Variants in JAKMIP2 observed in about 807,000 individuals in gnomAD.
JAKMIP2 encodes janus kinase and microtubule interacting protein 2.
Under a neutral mutation model 115.0 loss-of-function variants are expected in JAKMIP2, and 25 were observed. That is an observed-to-expected ratio of 0.22 (90% CI 0.16 to 0.30). The LOEUF (loss-of-function observed/expected upper bound fraction) is 0.30. Among genes scored for constraint, JAKMIP2 ranks in the 10% least tolerant of loss-of-function variants. The pLI, the probability that JAKMIP2 is intolerant of heterozygous loss-of-function variation, is 1.00. For synonymous variants in JAKMIP2, 334 were observed against 343.6 expected (o/e 0.97, Z 0.31); for missense variants, 642 against 957.6 (o/e 0.67, Z 4.35).
At position 147,641,694 on chromosome 5, in the gene JAKMIP2, T is replaced by C. The variant is rs1485388255; in HGVS notation, c.1281+14A>G. ...GTTTGTGGCAAATGCCTGATAACTT[T>C]GATTTCTTATTACCTTAATTGGCTT... On this transcript the variant is annotated intron_variant, in intron 8 of 21. Transcript: ENST00000616793. The C allele has an allele frequency of 3.1e-6, 5 of 1,597,822 alleles. No individual in the cohort carries two copies. In the South Asian group the frequency reaches 4.4e-5, roughly 14 times the overall value.
intron 12 of JAKMIP2, among the ~76,000 whole-genome samples, chr5:147,633,298 C>G (rs1405862122): frequency 2.0e-5 from 3 of 152,146 alleles, no homozygotes; most frequent in Non-Finnish European, 2.9e-5. Context: ...TAAATATTAT[C>G]ACTGTCATCT....
intron 1 of JAKMIP2, among the ~76,000 whole-genome samples, chr5:147,758,139 T>A (rs1396601439): frequency 6.6e-6 from 1 of 152,248 alleles, no homozygotes; most frequent in Admixed American, 6.5e-5. Context: ...ATAATGAAGG[T>A]CTCTGAGGTT....
intron 1 of JAKMIP2, among the ~76,000 whole-genome samples, chr5:147,743,398 A>C (rs1157302873): frequency 6.6e-6 from 1 of 152,208 alleles, no homozygotes; most frequent in African/African-American, 2.4e-5. Flanking sequence ...GAAATCTTTT[A>C]ATTAGAATCT....
At chr5:147,705,136 A>G (rs986106079) in intron 1 of JAKMIP2, among the ~76,000 whole-genome samples, 1 of 152,200 alleles carries the variant, frequency 6.6e-6, no homozygotes, top group African/African-American at 2.4e-5. Flanking sequence ...TGCCTTTTAC[A>G]TCAGTTAAAC....
intron 1 of JAKMIP2, among the ~76,000 whole-genome samples, chr5:147,700,571 C>G (rs568071064): frequency 1.3e-5 from 2 of 152,272 alleles, no homozygotes; most frequent in East Asian, 3.9e-4. Flanking sequence ...GATATAACAG[C>G]AGCTTTAGAA....
chr5:147,767,779 C>A (rs983639597), intron 1 of JAKMIP2, among the ~76,000 whole-genome samples: 34 of 152,234 alleles, frequency 2.2e-4, no homozygotes, highest in African/African-American at 7.2e-4. Flanking sequence ...GGAAAAAAAT[C>A]TTTAAAAAGC....
intron 1 of JAKMIP2, among the ~76,000 whole-genome samples, chr5:147,775,548 T>C (rs565982725): frequency 6.6e-6 from 1 of 152,242 alleles, no homozygotes; most frequent in South Asian, 2.1e-4. Flanking sequence ...ATAATCTTTC[T>C]TACTTATATT....
chr5:147,628,691 T>C, intron 16 of JAKMIP2, 60 bp downstream of exon 16: 1 of 1,278,698 alleles, frequency 7.8e-7, no homozygotes, highest in Non-Finnish European at 1.1e-6. Flanking sequence ...CACCCTAGTC[T>C]GCTCGTTCAG....
chr5:147,723,702 T>C (rs1753405739), intron 1 of JAKMIP2, among the ~76,000 whole-genome samples: 1 of 152,202 alleles, frequency 6.6e-6, no homozygotes, highest in South Asian at 2.1e-4. Context: ...TTTGTCTCAT[T>C]TACTATGCAG....
chr5:147,605,930 AC>A (rs1755986425), intron 20 of JAKMIP2, among the ~76,000 whole-genome samples: 1 of 152,108 alleles, frequency 6.6e-6, no homozygotes, highest in South Asian at 2.1e-4. Flanking sequence ...TTCTCTAATG[AC>A]CAGTGATGAT....
chr5:147,631,136 A>G (rs1757330281), intron 14 of JAKMIP2, among the ~76,000 whole-genome samples: 1 of 152,224 alleles, frequency 6.6e-6, no homozygotes, highest in Non-Finnish European at 1.5e-5. Flanking sequence ...CCAGGTAATT[A>G]AGGCTAATTT....
chr5:147,623,434 G>C (rs1456974518), intron 17 of JAKMIP2, among the ~76,000 whole-genome samples, 187 bp downstream of exon 17: 3 of 151,884 alleles, frequency 2.0e-5, no homozygotes, highest in African/African-American at 7.3e-5. Flanking sequence ...CATTTTTTGG[G>C]GGGAGAATAT....
intron 1 of JAKMIP2, among the ~76,000 whole-genome samples, chr5:147,756,046 G>A (rs1561578011): frequency 6.6e-6 from 1 of 152,122 alleles, no homozygotes; most frequent in Non-Finnish European, 1.5e-5. Flanking sequence ...AGAAATAAAT[G>A]AGCATATCAG....
chr5:147,782,581 C>T lies in JAKMIP2; in HGVS notation c.-274G>A, dbSNP rs1554087537. On this transcript the variant is annotated 5_prime_UTR_variant, in exon 1 of 22. Transcript: ENST00000616793. The stretch of plus-strand genomic sequence containing the variant: ...GCAGTGGCTGCCGGTTTTTTTTTTC[C>T]CTCTGTCTCTGGTTGGCGATGGTGC... 1 of 996,970 alleles carries T rather than the reference C, an allele frequency of 1.0e-6. No homozygotes were observed. Among genetic ancestry groups the T allele is most frequent in the Non-Finnish European group, 1.5e-6 (1 of 656,078 alleles). 61.8% of individuals were successfully genotyped at this position (996,970 alleles called of 1,614,324 possible). A position where few individuals can be genotyped will look rare whatever the true frequency, so the allele number is the denominator to read the frequency against.
intron 5 of JAKMIP2, among the ~76,000 whole-genome samples, chr5:147,646,268 C>A (rs955178778): frequency 6.6e-6 from 1 of 152,018 alleles, no homozygotes; most frequent in African/African-American, 2.4e-5. Flanking sequence ...ATATTAAAGG[C>A]CAAAACTGGG....
chr5:147,671,271 A>T (rs1759570216), intron 2 of JAKMIP2, among the ~76,000 whole-genome samples: 1 of 152,198 alleles, frequency 6.6e-6, no homozygotes, highest in African/African-American at 2.4e-5. Flanking sequence ...GGTATTGGGC[A>T]GTGGAGTAAC....
intron 1 of JAKMIP2, among the ~76,000 whole-genome samples, chr5:147,718,529 G>A (rs1024307188): frequency 6.6e-6 from 1 of 151,774 alleles, no homozygotes; most frequent in African/African-American, 2.4e-5. Flanking sequence ...TTCAGATCCT[G>A]TTATTGGTCT....
intron 2 of JAKMIP2, among the ~76,000 whole-genome samples, chr5:147,662,820 A>G (rs1759090041): frequency 6.6e-6 from 1 of 152,102 alleles, no homozygotes; most frequent in Non-Finnish European, 1.5e-5. Flanking sequence ...CCCCGTCTCT[A>G]TTAAAAATAC....
chr5:147,648,551 A>G, intron 4 of JAKMIP2, 77 bp from the exon 5 acceptor site: 5 of 795,356 alleles, frequency 6.3e-6, no homozygotes, highest in Non-Finnish European at 1.1e-5. Flanking sequence ...TATTATTCAT[A>G]AAAGTAATAG....
Sources: allele counts gnomAD v4.1 joint callset (sites outside exome capture counted in the v4.1 genomes callset), GRCh38; gene constraint gnomAD v4.1.1; transcripts MANE v1.5; gene names NCBI Gene and HGNC (gene_info 2026-07-23, HGNC 2026-07-21).